The following RANBP2 variants were observed in gnomAD, a reference collection of about 807,000 sequenced individuals.
RANBP2 encodes the protein RAN binding protein 2.
Under a neutral mutation model 303.6 loss-of-function variants are expected in RANBP2, and 57 were observed. The observed-to-expected ratio is 0.19, with a 90% CI of 0.15 to 0.23. The LOEUF is 0.23. Among genes scored for constraint, RANBP2 ranks in the 10% least tolerant of loss-of-function variants. The probability of loss-of-function intolerance (pLI) is 1.00; values close to 1 mark genes in which losing one functional copy is unlikely to be tolerated. For missense variants in RANBP2, 3,138 were observed against 3,780.8 expected (o/e 0.83, Z 4.46); for synonymous variants, 1,167 against 1,301.5 (o/e 0.90, Z 2.23).
At chr2:109,557,154 A>G in the RANBP2 span, among the ~76,000 whole-genome samples, 5 of 152,188 alleles carry the variant, frequency 3.3e-5, no homozygotes, top group African/African-American at 2.4e-5. Context: ...CATGTACCCT[A>G]GAACTTAAAG....
the RANBP2 span, among the ~76,000 whole-genome samples, chr2:109,612,918 T>C: frequency 6.6e-6 from 1 of 152,262 alleles, no homozygotes; most frequent in Non-Finnish European, 1.5e-5. Flanking sequence ...GAACTGTTTC[T>C]ACAATTTAAA....
At chr2:109,067,258 T>G in the RANBP2 span, among the ~76,000 whole-genome samples, 3 of 152,162 alleles carry the variant, frequency 2.0e-5, no homozygotes, top group African/African-American at 7.2e-5. Flanking sequence ...CAATAAGGAT[T>G]AGAAAAAGTC....
At chr2:109,544,282 G>C in the RANBP2 span, 1 of 1,612,448 alleles carries the variant, frequency 6.2e-7, no homozygotes, top group Non-Finnish European at 8.5e-7. Flanking sequence ...TTGTGATGAT[G>C]ACCTTCTGTG....
chr2:109,401,127 G>T, the RANBP2 span, among the ~76,000 whole-genome samples: 1 of 152,200 alleles, frequency 6.6e-6, no homozygotes, highest in South Asian at 2.1e-4. Flanking sequence ...CTTGACACCG[G>T]GCAGGTTGTC....
chr2:108,969,804 A>T, the RANBP2 span, among the ~76,000 whole-genome samples: 1 of 152,312 alleles, frequency 6.6e-6, no homozygotes, highest in East Asian at 1.9e-4. Flanking sequence ...AGAAAACCCA[A>T]AATATTAATA....
chr2:108,916,776 G>A, the RANBP2 span, among the ~76,000 whole-genome samples: 1 of 152,172 alleles, frequency 6.6e-6, no homozygotes, highest in African/African-American at 2.4e-5. Flanking sequence ...CTCGTGTCAG[G>A]ACTGAAGCTG....
the RANBP2 span, among the ~76,000 whole-genome samples, chr2:109,629,328 TATATATATATATATATATATATATATA>T: frequency 0.18 from 2,336 of 12,838 alleles, 96 homozygotes; most frequent in South Asian, 0.25. Context: ...TATATATATA[TATATATATATATATATATATATATATA>T]TTTTTTTTTT....
the RANBP2 span, among the ~76,000 whole-genome samples, chr2:109,136,135 C>A: frequency 6.6e-6 from 1 of 152,102 alleles, no homozygotes; most frequent in Non-Finnish European, 1.5e-5. Context: ...ATTCGGGGCT[C>A]AGTTTTGCAA....
At chr2:109,234,396 G>T in the RANBP2 span, among the ~76,000 whole-genome samples, 1 of 152,208 alleles carries the variant, frequency 6.6e-6, no homozygotes, top group Non-Finnish European at 1.5e-5. Flanking sequence ...GATGAAACAG[G>T]CAATTTCTCT....
the RANBP2 span, among the ~76,000 whole-genome samples, chr2:109,679,998 G>A: frequency 8.0e-4 from 121 of 151,948 alleles, no homozygotes; most frequent in East Asian, 0.019. Context: ...GAAAGACAGC[G>A]GGCAGTTTCG....
chr2:108,915,936 C>T, the RANBP2 span, among the ~76,000 whole-genome samples: 47 of 152,046 alleles, frequency 3.1e-4, no homozygotes, highest in Non-Finnish European at 5.6e-4. Flanking sequence ...AAAAAAAGAG[C>T]TGGTGGAGAA....
At chr2:109,107,378 C>T in the RANBP2 span, among the ~76,000 whole-genome samples, 1 of 152,098 alleles carries the variant, frequency 6.6e-6, no homozygotes, top group Non-Finnish European at 1.5e-5. Flanking sequence ...GGAAAGAGAG[C>T]AAAGTAGAGC....
At chr2:108,790,660 C>T (rs1056557027), downstream of RANBP2, among the ~76,000 whole-genome samples, 5 of 152,190 alleles carry the variant, frequency 3.3e-5, no homozygotes, top group African/African-American at 1.2e-4. Context: ...GAGATCGCGC[C>T]ACTGCACTGC....
At chr2:109,129,613 G>A in the RANBP2 span, 2 of 1,486,306 alleles carry the variant, frequency 1.3e-6, no homozygotes, top group Non-Finnish European at 1.8e-6. Flanking sequence ...GGGCGACGAG[G>A]ACAGGCCAGG....
At chr2:109,358,276 C>A in the RANBP2 span, among the ~76,000 whole-genome samples, 1 of 152,146 alleles carries the variant, frequency 6.6e-6, no homozygotes, top group African/African-American at 2.4e-5. Context: ...GGATGTACCA[C>A]AGTTTGTTTA....
chr2:109,761,500 A>C, the RANBP2 span, among the ~76,000 whole-genome samples: 4 of 142,860 alleles, frequency 2.8e-5, no homozygotes, highest in African/African-American at 5.2e-5. Flanking sequence ...CCCGGGGGGC[A>C]CTCCAGGTTC....
chr2:109,258,888 T>C, the RANBP2 span, among the ~76,000 whole-genome samples: 1 of 152,172 alleles, frequency 6.6e-6, no homozygotes, highest in African/African-American at 2.4e-5. Context: ...CACTCTGTGG[T>C]CAGGGGTTTT....
chr2:109,313,161 T>A, the RANBP2 span, among the ~76,000 whole-genome samples: 1 of 152,214 alleles, frequency 6.6e-6, no homozygotes, highest in Non-Finnish European at 1.5e-5. Context: ...GTGCATGGGC[T>A]GAGCTGGGAA....
the RANBP2 span, among the ~76,000 whole-genome samples, chr2:109,636,375 A>G: frequency 6.6e-6 from 1 of 152,186 alleles, no homozygotes. Flanking sequence ...TGAAAAGAAG[A>G]ACACATTACT....
Sources: gnomAD v4.1 joint callset for allele counts (sites outside exome capture counted in the v4.1 genomes callset) on GRCh38, gnomAD v4.1.1 for gene constraint, MANE v1.5 for transcripts, NCBI Gene and HGNC (gene_info 2026-07-23, HGNC 2026-07-21) for gene names.